SLC5A1: variants seen among roughly 807,000 people sequenced by gnomAD.
SLC5A1 encodes the protein sodium/glucose cotransporter 1.
A neutral mutation model predicts 73.5 loss-of-function variants in SLC5A1; 42 were observed. The ratio of observed to expected loss-of-function variants is 0.57; its 90% confidence interval spans 0.45 to 0.74. The LOEUF (loss-of-function observed/expected upper bound fraction) is 0.74. Ranked by LOEUF, SLC5A1 falls within the 30% of genes least tolerant of loss-of-function variation. The pLI, the probability that SLC5A1 is intolerant of heterozygous loss-of-function variation, is 0.00. For missense variants in SLC5A1, 634 were observed against 855.4 expected (o/e 0.74, Z 3.23); for synonymous variants, 300 against 317.4 (o/e 0.95, Z 0.58).
At chr22:32,093,653 T>C (rs2094021810) in intron 11 of SLC5A1, among the ~76,000 whole-genome samples, 1 of 152,120 alleles carries the variant, frequency 6.6e-6, no homozygotes, top group African/African-American at 2.4e-5. Flanking sequence ...TTGGTCACTG[T>C]TGATGTAGCA....
chr22:32,093,098 G>A (rs1215247298), intron 11 of SLC5A1, among the ~76,000 whole-genome samples: 1 of 152,136 alleles, frequency 6.6e-6, no homozygotes, highest in Non-Finnish European at 1.5e-5. Flanking sequence ...GTTTGTCAAA[G>A]ATTAGTTGGC....
intron 12 of SLC5A1, 64 bp downstream of exon 12, chr22:32,099,415 C>T: frequency 2.8e-6 from 4 of 1,428,908 alleles, no homozygotes; most frequent in Non-Finnish European, 3.9e-6. Context: ...TGTGGGTTTG[C>T]ATATTCTCTG....
intron 13 of SLC5A1, among the ~76,000 whole-genome samples, chr22:32,104,529 T>C (rs1336295697): frequency 6.6e-6 from 1 of 152,222 alleles, no homozygotes; most frequent in African/African-American, 2.4e-5. Context: ...TCAACAAACA[T>C]TTCCATATGA....
At chr22:32,096,414 C>T (rs1229668808) in intron 11 of SLC5A1, among the ~76,000 whole-genome samples, 2 of 152,130 alleles carry the variant, frequency 1.3e-5, no homozygotes, top group Non-Finnish European at 2.9e-5. Flanking sequence ...TTATACTGCC[C>T]CACACTGTCC....
intron 2 of SLC5A1, among the ~76,000 whole-genome samples, chr22:32,050,904 C>T (rs1843545924): frequency 1.3e-5 from 2 of 152,190 alleles, no homozygotes; most frequent in Non-Finnish European, 2.9e-5. Flanking sequence ...TAACTGTGGG[C>T]TGGTTGGTGG....
intron 5 of SLC5A1, among the ~76,000 whole-genome samples, chr22:32,081,289 G>T (rs1055465290): frequency 1.3e-5 from 2 of 152,156 alleles, no homozygotes; most frequent in African/African-American, 4.8e-5. Context: ...CAAGTACCAA[G>T]CCTGCTATGT....
chr22:32,067,862 A>G (rs913741885), intron 3 of SLC5A1, 105 bp from the exon 4 acceptor site: 2 of 1,161,766 alleles, frequency 1.7e-6, no homozygotes, highest in Non-Finnish European at 2.6e-6. Flanking sequence ...TCCTTAGGGG[A>G]GAACATGCTG....
intron 2 of SLC5A1, among the ~76,000 whole-genome samples, chr22:32,055,233 A>AT (rs2093950088): frequency 6.6e-6 from 1 of 152,218 alleles, no homozygotes; most frequent in Admixed American, 6.5e-5. Context: ...ACCATTGTCC[A>AT]TGGGAATAGG....
At chr22:32,050,376 C>T (rs941495200) in intron 2 of SLC5A1, among the ~76,000 whole-genome samples, 2 of 152,178 alleles carry the variant, frequency 1.3e-5, no homozygotes, top group African/African-American at 4.8e-5. Context: ...CTTTGCCCCT[C>T]CATCTGCCTT....
At chr22:32,077,187 T>C (rs1192057257) in intron 5 of SLC5A1, among the ~76,000 whole-genome samples, 4 of 152,164 alleles carry the variant, frequency 2.6e-5, no homozygotes, top group Non-Finnish European at 5.9e-5. Context: ...CTTCTTTCCC[T>C]TCTGCCTCCC....
At chr22:32,051,415 G>A (rs2093945007) in intron 2 of SLC5A1, among the ~76,000 whole-genome samples, 2 of 152,122 alleles carry the variant, frequency 1.3e-5, no homozygotes, top group Admixed American at 1.3e-4. Flanking sequence ...AGGCATTTTG[G>A]GAGGCAGAAG....
intron 1 of SLC5A1, among the ~76,000 whole-genome samples, chr22:32,045,006 G>C (rs1194704166): frequency 6.6e-6 from 1 of 152,182 alleles, no homozygotes; most frequent in Non-Finnish European, 1.5e-5. Flanking sequence ...TTACAGAAGA[G>C]GAAATTGAAG....
At position 32,063,720 on chromosome 22, in the gene SLC5A1, G is replaced by A. The variant is rs529703961; in HGVS notation, c.208-3215G>A. ...GAGAATAGAGATCCTCTAGCAGCCC[G>A]CTACTTGGTCCTGTTGAGAGATAGT... On this transcript the variant is annotated intron_variant, in intron 2 of 14. Coordinates refer to ENST00000266088, the MANE Select transcript of SLC5A1 (RefSeq NM_000343.4). 5.3e-5 allele frequency among the ~76,000 whole-genome samples: 8 copies of A among 152,194 alleles called. No homozygotes were observed. The East Asian group carries it at 9.7e-4, about 18-fold the overall frequency.
intron 5 of SLC5A1, among the ~76,000 whole-genome samples, chr22:32,072,384 G>A (rs992360277): frequency 6.6e-6 from 1 of 152,120 alleles, no homozygotes; most frequent in African/African-American, 2.4e-5. Flanking sequence ...GTGCTGCAAA[G>A]GATGTAATCT....
At chr22:32,099,624 A>G (rs1344893160) in intron 12 of SLC5A1, among the ~76,000 whole-genome samples, 1 of 151,984 alleles carries the variant, frequency 6.6e-6, no homozygotes. Context: ...GTGAGGACTC[A>G]CTATGTTGCC....
At chr22:32,066,327 A>G (rs1250514189) in intron 2 of SLC5A1, among the ~76,000 whole-genome samples, 1 of 152,208 alleles carries the variant, frequency 6.6e-6, no homozygotes, top group Non-Finnish European at 1.5e-5. Flanking sequence ...TGTATGATCT[A>G]GAGAATCATT....
intron 2 of SLC5A1, among the ~76,000 whole-genome samples, chr22:32,062,811 A>C (rs1039824585): frequency 6.6e-6 from 1 of 152,212 alleles, no homozygotes; most frequent in African/African-American, 2.4e-5. Context: ...GTGGCAGTGT[A>C]AAAACCTGGC....
chr22:32,061,090 G>A (rs2093961895), intron 2 of SLC5A1, among the ~76,000 whole-genome samples: 1 of 152,176 alleles, frequency 6.6e-6, no homozygotes, highest in Non-Finnish European at 1.5e-5. Flanking sequence ...TGGTTCGAGA[G>A]ACAGATGCAA....
intron 2 of SLC5A1, among the ~76,000 whole-genome samples, chr22:32,056,253 TC>T (rs1278031084): frequency 6.6e-6 from 1 of 152,102 alleles, no homozygotes; most frequent in Non-Finnish European, 1.5e-5. Flanking sequence ...ACTCCCGAGC[TC>T]AAGCAGTCTT....
Sources: gnomAD v4.1 joint callset for allele counts (sites outside exome capture counted in the v4.1 genomes callset) on GRCh38, gnomAD v4.1.1 for gene constraint, MANE v1.5 for transcripts, NCBI Gene and HGNC (gene_info 2026-07-23, HGNC 2026-07-21) for gene names.